Variants in MZT2A observed in about 807,000 individuals in gnomAD.
The protein encoded by MZT2A is mitotic-spindle organizing protein 2A.
In MZT2A, 8 loss-of-function variants were observed where a neutral mutation model predicts 12.4. The ratio of observed to expected loss-of-function variants is 0.64; its 90% CI spans 0.38 to 1.16. MZT2A has a LOEUF of 1.16. Ranked by LOEUF, MZT2A falls within the 50% of genes most tolerant of loss-of-function variation. MZT2A has a pLI of 0.01. For missense variants in MZT2A, 181 were observed against 223.6 expected, an observed-to-expected ratio of 0.81 and a Z score of 1.22; for synonymous variants, 88 against 107.5, an observed-to-expected ratio of 0.82 and a Z score of 1.12.
chr2:131,490,569 G>A (rs1335009263), intron 2 of MZT2A: 10 of 1,519,058 alleles, frequency 6.6e-6, no homozygotes, highest in Non-Finnish European at 7.9e-6. Flanking sequence ...CAGAAATAGT[G>A]CCCTGTGGCT....
intron 2 of MZT2A, among the ~76,000 whole-genome samples, chr2:131,485,175 C>T (rs114922869): frequency 0.018 from 2,756 of 152,252 alleles, 76 homozygotes; most frequent in African/African-American, 0.059. Context: ...CTAAACAGGG[C>T]GTGTGTCCCC....
chr2:131,492,784 G>T, upstream of MZT2A: 4 of 1,352,768 alleles, frequency 3.0e-6, no homozygotes, highest in South Asian at 1.3e-5. Flanking sequence ...CGCTCTTCGG[G>T]GGGGGTGGGG....
At chr2:131,491,418 C>G in intron 2 of MZT2A, 1 of 278,616 alleles carries the variant, frequency 3.6e-6, no homozygotes. Flanking sequence ...TACCACAGGA[C>G]AGAGATCGAG....
At chr2:131,469,880 T>C in intron 4 of MZT2A, 1 of 165,114 alleles carries the variant, frequency 6.1e-6, no homozygotes, top group East Asian at 1.8e-4. Flanking sequence ...CTTGGCTCAC[T>C]GCAACCTCCG....
chr2:131,474,946 A>G (rs1678602772), intron 2 of MZT2A, among the ~76,000 whole-genome samples: 1 of 151,920 alleles, frequency 6.6e-6, no homozygotes, highest in Non-Finnish European at 1.5e-5. Context: ...TGCACTTCTC[A>G]AACTTGGCCC....
At chr2:131,482,461 C>T, downstream of MZT2A, 1 of 1,524,848 alleles carries the variant, frequency 6.6e-7, no homozygotes, top group Non-Finnish European at 8.8e-7. Flanking sequence ...TCCGTGTCAC[C>T]TACAGGGTGT....
At chr2:131,483,159 A>T (rs1678918038), downstream of MZT2A, among the ~76,000 whole-genome samples, 1 of 152,220 alleles carries the variant, frequency 6.6e-6, no homozygotes, top group Non-Finnish European at 1.5e-5. Context: ...CTAGGAAAGC[A>T]GAGTCAGGGT....
upstream of MZT2A, chr2:131,492,846 A>G: frequency 6.8e-7 from 1 of 1,479,690 alleles, no homozygotes; most frequent in Non-Finnish European, 9.1e-7. Flanking sequence ...TGCTAGGGAG[A>G]AAGTGCGTGA....
downstream of MZT2A, chr2:131,482,665 C>T: frequency 6.2e-7 from 1 of 1,614,170 alleles, no homozygotes; most frequent in Non-Finnish European, 8.5e-7. Context: ...CCTGGGCCCG[C>T]CTGGACCATA....
At chr2:131,488,399 G>C (rs1679140162) in intron 2 of MZT2A, among the ~76,000 whole-genome samples, 3 of 152,130 alleles carry the variant, frequency 2.0e-5, no homozygotes. Flanking sequence ...CGTCTGCATG[G>C]CTGGGGGACA....
upstream of MZT2A, chr2:131,492,448 T>TG: frequency 6.8e-6 from 8 of 1,183,102 alleles, no homozygotes; most frequent in Non-Finnish European, 7.3e-6. Flanking sequence ...GCCCTCTCCC[T>TG]GCAGCGCCAG....
chr2:131,470,026 A>T, intron 4 of MZT2A: 1 of 312,202 alleles, frequency 3.2e-6, no homozygotes, highest in Non-Finnish European at 6.3e-6. Context: ...CTGGTCTCAA[A>T]CTCCTGACCT....
downstream of MZT2A, among the ~76,000 whole-genome samples, chr2:131,483,286 T>C (rs1423441952): frequency 6.6e-6 from 1 of 152,098 alleles, no homozygotes; most frequent in Non-Finnish European, 1.5e-5. Context: ...TCTCTAAAGC[T>C]GTGGGTCAAA....
intron 2 of MZT2A, among the ~76,000 whole-genome samples, chr2:131,485,841 T>C (rs1335770156): frequency 6.6e-6 from 1 of 151,994 alleles, no homozygotes; most frequent in African/African-American, 2.4e-5. Context: ...TCTGTCACCC[T>C]GAACAAGCAG....
chr2:131,475,932 C>T (rs1239414714), intron 2 of MZT2A, among the ~76,000 whole-genome samples: 2 of 146,132 alleles, frequency 1.4e-5, no homozygotes, highest in South Asian at 2.1e-4. Context: ...TCAGCAACCG[C>T]GCAGCCTTTG....
At chr2:131,482,863 G>C (rs778304916), downstream of MZT2A, 1 of 1,609,088 alleles carries the variant, frequency 6.2e-7, no homozygotes, top group Admixed American at 1.7e-5. Context: ...AGGGTGTGGT[G>C]GGTTCTCCCC....
At chr2:131,478,012 G>C (rs1678732265) in intron 2 of MZT2A, 1 of 988,862 alleles carries the variant, frequency 1.0e-6, no homozygotes, top group Non-Finnish European at 1.5e-6. Context: ...CAGCGATAAA[G>C]GGATCAGTCA....
At chr2:131,485,761 G>C (rs951948753) in intron 2 of MZT2A, among the ~76,000 whole-genome samples, 1 of 152,016 alleles carries the variant, frequency 6.6e-6, no homozygotes, top group Non-Finnish European at 1.5e-5. Flanking sequence ...ACCCTGCAAA[G>C]GGAAACTGGA....
chr2:131,473,403 C>T (rs1175712574), intron 2 of MZT2A, among the ~76,000 whole-genome samples: 2 of 147,448 alleles, frequency 1.4e-5, no homozygotes, highest in Admixed American at 6.6e-5. Flanking sequence ...AACTCCTGGA[C>T]CTCATGAGTC....
Sources: gnomAD v4.1 joint callset for allele counts (sites outside exome capture counted in the v4.1 genomes callset) on GRCh38, gnomAD v4.1.1 for gene constraint, MANE v1.5 for transcripts, NCBI Gene and HGNC (gene_info 2026-07-23, HGNC 2026-07-21) for gene names.